METTL6: variants seen among roughly 807,000 people sequenced by gnomAD.
METTL6 encodes tRNA N(3)-cytidine methyltransferase METTL6.
In METTL6, 22 loss-of-function variants were observed where a neutral mutation model predicts 26.4. That is an observed-to-expected ratio of 0.83 (90% CI 0.59 to 1.19). METTL6 has a LOEUF of 1.19. METTL6 is among the 50% of genes most tolerant of loss of function. The pLI is 0.00. For missense variants in METTL6, 304 were observed against 324.8 expected (o/e 0.94, Z 0.49); for synonymous variants, 109 against 116.2 (o/e 0.94, Z 0.40).
At chr3:15,383,417 TATTA>T (rs1559475086) in exon 7 of METTL6, 1 of 149,880 alleles carries the variant, frequency 6.7e-6, no homozygotes, top group Non-Finnish European at 1.5e-5. Context: ...TTTTTTTTTT[TATTA>T]GAGACAGGGT....
intron 6 of METTL6, among the ~76,000 whole-genome samples, chr3:15,388,715 G>A (rs1403674074): frequency 6.6e-6 from 1 of 152,176 alleles, no homozygotes; most frequent in East Asian, 1.9e-4. Context: ...CTAATCTTGT[G>A]GCTAGTTTCT....
intron 6 of METTL6, among the ~76,000 whole-genome samples, chr3:15,388,256 A>T (rs953051993): frequency 2.0e-5 from 3 of 152,072 alleles, no homozygotes; most frequent in Non-Finnish European, 2.9e-5. Flanking sequence ...GATTACAGGC[A>T]CATGCCACCA....
chr3:15,394,428 T>C (rs1699431048), intron 6 of METTL6, among the ~76,000 whole-genome samples: 1 of 152,238 alleles, frequency 6.6e-6, no homozygotes, highest in South Asian at 2.1e-4. Flanking sequence ...ATCAATTTTG[T>C]TGATCTTTTC....
rs868847669 is a variant in METTL6, at chr3:15,415,637, T to C, written c.531+135A>G. 5.6e-6 allele frequency: 9 copies of C among 1,604,272 alleles called. No homozygotes were observed. In the African/African-American group the frequency reaches 6.7e-5, roughly 12 times the overall value. On this transcript the variant is annotated intron_variant, in intron 4 of 5. Transcript: ENST00000383790. ...TTTTATGCCAGAGGACCCCTTTCTA[T>C]ACACTCACTACACAGCCTACCTAGT...
chr3:15,382,768 C>A (rs1336303785), exon 7 of METTL6: 1 of 151,598 alleles, frequency 6.6e-6, no homozygotes, highest in Non-Finnish European at 1.5e-5. Context: ...ATCACATAAA[C>A]CCCATACAAC....
At chr3:15,415,239 A>G (rs1559492236) in intron 4 of METTL6, among the ~76,000 whole-genome samples, 1 of 152,206 alleles carries the variant, frequency 6.6e-6, no homozygotes, top group East Asian at 1.9e-4. Flanking sequence ...TCTTCACCCA[A>G]CTGTGGGACA....
chr3:15,409,170 G>T (rs542352459), downstream of METTL6, among the ~76,000 whole-genome samples: 1 of 152,280 alleles, frequency 6.6e-6, no homozygotes, highest in Non-Finnish European at 1.5e-5. Context: ...CTTCTCTTCA[G>T]GAGCCAGGAT....
chr3:15,416,528 T>C (rs1700213248), intron 3 of METTL6, among the ~76,000 whole-genome samples: 1 of 152,210 alleles, frequency 6.6e-6, no homozygotes, highest in African/African-American at 2.4e-5. Context: ...GTGCTGGGAT[T>C]ACAGGCATGA....
chr3:15,389,571 C>T (rs372977609), intron 6 of METTL6, among the ~76,000 whole-genome samples: 2 of 151,468 alleles, frequency 1.3e-5, no homozygotes, highest in African/African-American at 2.4e-5. Context: ...TTTTTTGAGA[C>T]GGAATTTCAC....
downstream of METTL6, among the ~76,000 whole-genome samples, chr3:15,409,369 C>T (rs953041036): frequency 1.4e-4 from 21 of 152,076 alleles, no homozygotes; most frequent in African/African-American, 3.1e-4. Flanking sequence ...AGGCTCAACT[C>T]GTGAGCAGAA....
At chr3:15,405,153 T>A (rs528922120), downstream of METTL6, among the ~76,000 whole-genome samples, 1 of 152,150 alleles carries the variant, frequency 6.6e-6, no homozygotes, top group African/African-American at 2.4e-5. Context: ...TACAAAGGGG[T>A]ATTTACTCAC....
At chr3:15,424,544 A>C (rs928097987) in intron 3 of METTL6, among the ~76,000 whole-genome samples, 2 of 152,208 alleles carry the variant, frequency 1.3e-5, no homozygotes, top group Non-Finnish European at 2.9e-5. Flanking sequence ...TGGGATTACA[A>C]GTGCGAACCA....
At chr3:15,426,063 TC>T (rs1559500624) in intron 2 of METTL6, among the ~76,000 whole-genome samples, 1 of 152,068 alleles carries the variant, frequency 6.6e-6, no homozygotes, top group Admixed American at 6.5e-5. Context: ...GCCTCAGCCT[TC>T]CAAGTAGCTG....
downstream of METTL6, among the ~76,000 whole-genome samples, chr3:15,408,097 G>C (rs1489208472): frequency 6.6e-6 from 1 of 151,952 alleles, no homozygotes; most frequent in African/African-American, 2.4e-5. Context: ...TGTAATTTTT[G>C]TATTTTTGTA....
Position 15,426,431 on chromosome 3 carries a change from A to G in METTL6, c.81T>C (p.Thr27=), listed in dbSNP as rs1321437098. 5.6e-6 allele frequency: 9 copies of G among 1,614,106 alleles called. No individual in the cohort carries two copies. Among genetic ancestry groups the G allele is most frequent in the Non-Finnish European group, 7.6e-6 (9 of 1,180,054 alleles). Residue 27 remains threonine, a synonymous_variant, in exon 2 of 6, where the codon ACT becomes ACC. Transcript: ENST00000383790. ...EEEEKLKRDQ[T]LVSDFKQQKL... ...TCTGCTGTTTAAAATCAGACACCAA[A>G]GTTTGGTCTCTTTTCAGTTTCTCCT...
chr3:15,406,292 C>T (rs1185947135), downstream of METTL6, among the ~76,000 whole-genome samples: 2 of 151,610 alleles, frequency 1.3e-5, no homozygotes, highest in African/African-American at 4.8e-5. Flanking sequence ...CCTAAGCACC[C>T]AAACGTGGGA....
At chr3:15,425,390 C>T (rs765073461) in intron 2 of METTL6, among the ~76,000 whole-genome samples, 14 of 152,196 alleles carry the variant, frequency 9.2e-5, no homozygotes, top group African/African-American at 2.9e-4. Flanking sequence ...CTCTGTGCCT[C>T]AATTTTACCT....
intron 6 of METTL6, among the ~76,000 whole-genome samples, chr3:15,388,322 G>C (rs1699252618): frequency 6.6e-6 from 1 of 152,110 alleles, no homozygotes; most frequent in African/African-American, 2.4e-5. Context: ...TGTTGTCCAG[G>C]CTGGTCTCAA....
rs554525421 is a variant in METTL6 at position 15,394,420 on chromosome 3, C to G, written c.*12-10233G>C. 1.2e-4 allele frequency among the ~76,000 whole-genome samples: 18 copies of G among 152,242 alleles called. No individual in the cohort carries two copies. In the South Asian group the frequency reaches 3.7e-3, roughly 32 times the overall value. On this transcript the variant is annotated intron_variant, in intron 6 of 6. Transcript: ENST00000443029. ...TTTATTAGTCTTGCTAGCGGTCTATCAATTTTGTTGATCTTTTCAAAAAAC... is the reference window on the plus strand; with the variant it reads ...TTTATTAGTCTTGCTAGCGGTCTATGAATTTTGTTGATCTTTTCAAAAAAC...
Sources: gnomAD v4.1 joint callset for allele counts (sites outside exome capture counted in the v4.1 genomes callset) on GRCh38, gnomAD v4.1.1 for gene constraint, MANE v1.5 for transcripts, NCBI Gene and HGNC (gene_info 2026-07-23, HGNC 2026-07-21) for gene names.